The following EML5 variants were observed in gnomAD, a reference collection of about 807,000 sequenced individuals.
The protein encoded by EML5 is EMAP like 5, also known as echinoderm microtubule-associated protein-like 5.
In EML5, 120 loss-of-function variants were observed where a neutral mutation model predicts 250.0. The ratio of observed to expected loss-of-function variants is 0.48; its 90% CI spans 0.41 to 0.56. The LOEUF (loss-of-function observed/expected upper bound fraction) is 0.56, where lower values mean the gene tolerates loss of function less well. Among genes scored for constraint, EML5 ranks in the 20% least tolerant of loss-of-function variants. The pLI, the probability that EML5 is intolerant of heterozygous loss-of-function variation, is 0.00. For missense variants in EML5, 2,006 were observed against 2,437.6 expected (o/e 0.82, Z 3.73); for synonymous variants, 771 against 806.5 (o/e 0.96, Z 0.75).
intron 32 of EML5, among the ~76,000 whole-genome samples, chr14:88,635,395 C>A (rs748424098): frequency 6.6e-6 from 1 of 152,132 alleles, no homozygotes; most frequent in African/African-American, 2.4e-5. Flanking sequence ...GGTGAGAGGG[C>A]TTGGAACTTT....
rs2094137064 is a variant in EML5 at position 88,754,509 on chromosome 14, T to C, written c.357+3A>G. On this transcript the variant is annotated splice_donor_region_variant and intron_variant, in intron 2 of 43. Coordinates refer to ENST00000554922, the MANE Select transcript of EML5 (RefSeq NM_183387.3). The stretch of plus-strand genomic sequence containing the variant: ...TAGAAAAAAATGAAAAACTGTCACA[T>C]ACCTGTCCATCTAAGTCAAACGCCA... The C allele has an allele frequency of 6.3e-7, 1 of 1,593,738 alleles. No individual in the cohort carries two copies. Among genetic ancestry groups the C allele is most frequent in the African/African-American group, 1.4e-5 (1 of 73,822 alleles).
intron 21 of EML5, among the ~76,000 whole-genome samples, chr14:88,673,295 A>G (rs2092515699): frequency 6.6e-6 from 1 of 152,260 alleles, no homozygotes; most frequent in East Asian, 1.9e-4. Flanking sequence ...CCATATGATT[A>G]TCTCAGTATA....
intron 28 of EML5, among the ~76,000 whole-genome samples, chr14:88,647,167 C>T (rs1323621876): frequency 6.6e-6 from 1 of 152,050 alleles, no homozygotes; most frequent in East Asian, 1.9e-4. Context: ...TCGAGACCAG[C>T]CTGGCCAACA....
chr14:88,692,607 T>G (rs1434564595), intron 17 of EML5, among the ~76,000 whole-genome samples: 1 of 152,204 alleles, frequency 6.6e-6, no homozygotes, highest in African/African-American at 2.4e-5. Context: ...TTGGGTATCC[T>G]TGGGGAATCC....
At position 88,620,608 on chromosome 14, in the gene EML5, A is replaced by G; in HGVS notation, c.5375+146T>C. The G allele has an allele frequency of 1.6e-6, 1 of 642,936 alleles. No homozygotes were observed. Among genetic ancestry groups the G allele is most frequent in the South Asian group, 3.5e-5 (1 of 28,804 alleles). The allele number at this position is 642,936 out of a possible 1,614,324, so 39.8% of individuals were successfully genotyped here. ...GCAAGAAGAATTAAGTAGTATACAA[A>G]CAGCCATATTTTAGCATACAATTTA... is the stretch of plus-strand genomic sequence containing the variant. On this transcript the variant is annotated intron_variant, in intron 39 of 43. Coordinates refer to ENST00000554922, the MANE Select transcript of EML5 (RefSeq NM_183387.3). The surrounding 1 kb of genome is among the most constrained non-coding windows in gnomAD (Gnocchi z 4.3).
chr14:88,767,240 A>G (rs1329369662), intron 1 of EML5, among the ~76,000 whole-genome samples: 1 of 152,186 alleles, frequency 6.6e-6, no homozygotes, highest in East Asian at 1.9e-4. Flanking sequence ...CAGTGCTACC[A>G]CATGTACACA....
chr14:88,757,374 A>G (rs944172649), intron 1 of EML5, among the ~76,000 whole-genome samples: 2 of 152,232 alleles, frequency 1.3e-5, no homozygotes, highest in Non-Finnish European at 2.9e-5. Context: ...TCTTGGAAGA[A>G]AATATAGGCA....
chr14:88,653,908 G>A (rs1472325260), intron 27 of EML5, among the ~76,000 whole-genome samples: 2 of 152,036 alleles, frequency 1.3e-5, no homozygotes, highest in African/African-American at 2.4e-5. Context: ...ATTCGGATGC[G>A]AATCCATCTG....
chr14:88,694,081 C>T (rs1468984261), intron 17 of EML5, among the ~76,000 whole-genome samples: 2 of 151,692 alleles, frequency 1.3e-5, no homozygotes, highest in Non-Finnish European at 2.9e-5. Context: ...CCAATGTTGA[C>T]ATCTTATATT....
intron 9 of EML5, among the ~76,000 whole-genome samples, chr14:88,713,772 A>C (rs2093444649): frequency 6.8e-6 from 1 of 148,098 alleles, no homozygotes; most frequent in African/African-American, 2.5e-5. Flanking sequence ...TCTCTTTTAA[A>C]ATCTTTGGTT....
At chr14:88,698,369 G>C (rs1373352423) in intron 14 of EML5, among the ~76,000 whole-genome samples, 1 of 148,872 alleles carries the variant, frequency 6.7e-6, no homozygotes, top group African/African-American at 2.5e-5. Flanking sequence ...AGGCTCAAGT[G>C]ATCCTCCTTG....
At chr14:88,758,869 T>C (rs1420576326) in intron 1 of EML5, among the ~76,000 whole-genome samples, 2 of 152,180 alleles carry the variant, frequency 1.3e-5, no homozygotes, top group African/African-American at 4.8e-5. Context: ...TGGATGAACC[T>C]TGAAAACATT....
intron 4 of EML5, among the ~76,000 whole-genome samples, chr14:88,741,267 A>ACT (rs1447254412): frequency 6.6e-6 from 1 of 152,062 alleles, no homozygotes; most frequent in Non-Finnish European, 1.5e-5. Context: ...AATCTAACAT[A>ACT]CTCTCTCTGA....
Position 88,620,509 on chromosome 14 carries a change from G to A in EML5, c.5375+245C>T, listed in dbSNP as rs914884380. ...ATGAACTTAATGGACATGGCTAAGT[G>A]TTAACATGAATTCATCAAACATTAC... On this transcript the variant is annotated intron_variant, in intron 39 of 43. Coordinates refer to ENST00000554922, the MANE Select transcript of EML5 (RefSeq NM_183387.3). The surrounding 1 kb of genome is among the most constrained non-coding windows in gnomAD (Gnocchi z 4.3). 6 of 345,036 alleles carry A rather than the reference G, an allele frequency of 1.7e-5. No individual in the cohort carries two copies. The highest frequency in any genetic ancestry group is 2.6e-5 in the Non-Finnish European group (5 of 193,756). 21.4% of individuals were successfully genotyped at this position (345,036 alleles called of 1,614,324 possible).
At chr14:88,694,268 CTTAAAA>C (rs1242004443) in intron 17 of EML5, 33 bp downstream of exon 17, 1 of 1,407,692 alleles carries the variant, frequency 7.1e-7, no homozygotes, top group Non-Finnish European at 9.8e-7. Context: ...GCAATAATTT[CTTAAAA>C]TTCTATGGAG....
intron 17 of EML5, among the ~76,000 whole-genome samples, chr14:88,692,777 C>T (rs998095712): frequency 6.6e-6 from 1 of 152,188 alleles, no homozygotes; most frequent in African/African-American, 2.4e-5. Flanking sequence ...TTTGTAAACG[C>T]ATATGCTGTT....
rs1487988908 is a variant in EML5 at position 88,657,479 on chromosome 14, C to G, written c.3901G>C (p.Glu1301Gln). The G allele has an allele frequency of 1.2e-6, 2 of 1,606,130 alleles. No individual in the cohort carries two copies. The highest frequency in any genetic ancestry group is 2.2e-5 in the East Asian group (1 of 44,610). Residue 1301 changes from glutamate to glutamine, a missense_variant, in exon 27 of 44, where the codon GAG (glutamate) becomes CAG (glutamine). Transcript: ENST00000554922. ...DGGYDSDVTR[E>Q]NEISYTIRAL... ...CTGATGGTGTAACTGATTTCATTCT[C>G]CCTTGTAACATCACTGTCATAGCCT...
At chr14:88,736,136 G>C (rs954616928) in intron 7 of EML5, among the ~76,000 whole-genome samples, 2 of 151,854 alleles carry the variant, frequency 1.3e-5, no homozygotes, top group African/African-American at 4.8e-5. Context: ...AAGTAGCTGG[G>C]ATTACAGGTG....
At chr14:88,764,801 A>G (rs1418476118) in intron 1 of EML5, among the ~76,000 whole-genome samples, 1 of 152,114 alleles carries the variant, frequency 6.6e-6, no homozygotes, top group Non-Finnish European at 1.5e-5. Flanking sequence ...CATTTTCATA[A>G]TATATTCTAC....
Sources: gnomAD v4.1 joint callset for allele counts (sites outside exome capture counted in the v4.1 genomes callset) on GRCh38, gnomAD v4.1.1 for gene constraint, Gnocchi (gnomAD v3.1) non-coding constraint, MANE v1.5 for transcripts, NCBI Gene and HGNC (gene_info 2026-07-23, HGNC 2026-07-21) for gene names.